Variants in OR7C1 observed in about 807,000 individuals in gnomAD.
OR7C1 encodes olfactory receptor family 7 subfamily C member 1.
For missense variants in OR7C1, 324 were observed against 383.3 expected, an observed-to-expected ratio of 0.85 and a Z score of 1.29; for synonymous variants, 152 against 160.7, an observed-to-expected ratio of 0.95 and a Z score of 0.41.
chr19:14,802,936 AC>A (rs2044648693), intron 2 of OR7C1, among the ~76,000 whole-genome samples: 1 of 152,148 alleles, frequency 6.6e-6, no homozygotes, highest in East Asian at 1.9e-4. Flanking sequence ...CCTGAGTGGG[AC>A]TTCCTGCTGG....
rs112284734 is a variant in OR7C1 at position 14,827,436 on chromosome 19, T to G, written c.-623+7638A>C. Reference sequence around the variant, plus strand: ...CATCACTGAGGCTGTTGCACTTGAGTGTGAGTTGCGGGTGGCAGCAGAACT... The same window carrying G: ...CATCACTGAGGCTGTTGCACTTGAGGGTGAGTTGCGGGTGGCAGCAGAACT... On this transcript the variant is annotated intron_variant, in intron 1 of 4. Transcript: ENST00000641666. 3 of 1,600,588 alleles carry G rather than the reference T, an allele frequency of 1.9e-6. No homozygotes were observed. The highest frequency in any genetic ancestry group is 2.7e-5 in the African/African-American group (2 of 74,376).
intron 1 of OR7C1, chr19:14,826,350 G>A (rs1405999289): frequency 1.3e-5 from 2 of 152,140 alleles, no homozygotes; most frequent in African/African-American, 2.4e-5. Flanking sequence ...GCACTTTAAT[G>A]TTTACGACAA....
chr19:14,810,862 A>ATT, intron 1 of OR7C1, among the ~76,000 whole-genome samples: 2 of 151,662 alleles, frequency 1.3e-5, no homozygotes, highest in East Asian at 1.9e-4. Context: ...CGGTTTCTTC[A>ATT]TCTGGGCTAA....
chr19:14,800,532 C>T lies in OR7C1; in HGVS notation c.-203+1G>A, dbSNP rs923934148. On this transcript the variant is annotated splice_donor_variant, in intron 3 of 4. Coordinates refer to ENST00000641666, the Ensembl canonical transcript of OR7C1. LOFTEE classifies it low-confidence loss of function (5UTR_SPLICE). ...ATAGGAGTTAAGAAAAAATCACTTA[C>T]GCAGATAGTAAGGTTATGGGAGTCC... is the stretch of plus-strand genomic sequence containing the variant. 6 of 166,050 alleles carry T rather than the reference C, an allele frequency of 3.6e-5. No homozygotes were observed. The highest frequency in any genetic ancestry group is 1.2e-4 in the Admixed American group (2 of 16,934). 10.3% of individuals were successfully genotyped at this position (166,050 alleles called of 1,614,324 possible).
At chr19:14,822,333 C>T (rs1208670782) in intron 1 of OR7C1, among the ~76,000 whole-genome samples, 1 of 146,002 alleles carries the variant, frequency 6.8e-6, no homozygotes, top group Non-Finnish European at 1.5e-5. Context: ...GGTACATGGG[C>T]TCCCTTTTCT....
rs544806074 is a variant in OR7C1 at position 14,814,114 on chromosome 19, G to A, written c.-622-4121C>T. Reference sequence around the variant, plus strand: ...GGAAAGACTGCATGACATTGGTCTGGGCAATAATTTTTGGGAAATGACCCC... The same window carrying A: ...GGAAAGACTGCATGACATTGGTCTGAGCAATAATTTTTGGGAAATGACCCC... On this transcript the variant is annotated intron_variant, in intron 1 of 4. Transcript: ENST00000641666. Among the ~76,000 whole-genome samples the A allele has an allele frequency of 3.3e-5, 5 of 151,986 alleles. No individual in the cohort carries two copies. The South Asian group carries it at 1.0e-3, about 32-fold the overall frequency.
At chr19:14,806,689 C>CCATGTCCCTGCAAAGGACATGGT (rs2044667893) in intron 2 of OR7C1, among the ~76,000 whole-genome samples, 1 of 151,930 alleles carries the variant, frequency 6.6e-6, no homozygotes, top group Non-Finnish European at 1.5e-5. Context: ...CCAGCTTCAT[C>CCATGTCCCTGCAAAGGACATGGT]CATGTCCCTG....
At chr19:14,834,699 G>T (rs1443399137) in intron 1 of OR7C1, among the ~76,000 whole-genome samples, 1 of 152,122 alleles carries the variant, frequency 6.6e-6, no homozygotes, top group African/African-American at 2.4e-5. Context: ...AAGTAAAAAG[G>T]AAATGTCTTT....
chr19:14,802,523 A>G (rs955545044), intron 2 of OR7C1, among the ~76,000 whole-genome samples: 2 of 152,250 alleles, frequency 1.3e-5, no homozygotes, highest in Non-Finnish European at 2.9e-5. Context: ...TCTGTCTCCA[A>G]ATAATAATTA....
chr19:14,799,036 C>G, exon 5 of OR7C1: 2 of 1,120,066 alleles, frequency 1.8e-6, no homozygotes, highest in Non-Finnish European at 1.2e-6. Flanking sequence ...TCCCTATCTA[C>G]CTAAATAATT....
intron 1 of OR7C1, among the ~76,000 whole-genome samples, chr19:14,811,907 G>A (rs1568249592): frequency 6.6e-6 from 1 of 151,924 alleles, no homozygotes; most frequent in Non-Finnish European, 1.5e-5. Context: ...GTGCGGCCTA[G>A]CTCCTAACAG....
intron 1 of OR7C1, among the ~76,000 whole-genome samples, chr19:14,810,447 T>C (rs2147650638): frequency 6.6e-6 from 1 of 151,804 alleles, no homozygotes; most frequent in South Asian, 2.1e-4. Flanking sequence ...TGGCGCAATC[T>C]TGGCTCACTG....
chr19:14,803,355 T>C (rs1020344248), intron 2 of OR7C1, among the ~76,000 whole-genome samples: 1 of 150,112 alleles, frequency 6.7e-6, no homozygotes, highest in Non-Finnish European at 1.5e-5. Flanking sequence ...AGGTGTGACG[T>C]TTACATAGTC....
intron 2 of OR7C1, among the ~76,000 whole-genome samples, chr19:14,801,784 A>G (rs1236533963): frequency 3.9e-5 from 6 of 152,228 alleles, no homozygotes; most frequent in Admixed American, 3.9e-4. Flanking sequence ...CCTTTTTCAC[A>G]TGGCAGCAGA....
At chr19:14,809,598 CA>C (rs1489192339) in intron 2 of OR7C1, among the ~76,000 whole-genome samples, 2 of 151,790 alleles carry the variant, frequency 1.3e-5, no homozygotes, top group African/African-American at 2.4e-5. Flanking sequence ...CAAGAAGAAA[CA>C]GAGATTGGAA....
At chr19:14,828,225 T>C in intron 1 of OR7C1, 1 of 1,611,216 alleles carries the variant, frequency 6.2e-7, no homozygotes, top group Non-Finnish European at 8.5e-7. Context: ...AATTTGTGTA[T>C]CATTTCCTGG....
At chr19:14,832,439 T>C (rs1016922723) in intron 1 of OR7C1, among the ~76,000 whole-genome samples, 5 of 150,490 alleles carry the variant, frequency 3.3e-5, no homozygotes, top group South Asian at 2.1e-4. Context: ...CTTTTCTTTT[T>C]TTTTTTTAAT....
chr19:14,832,768 TAAAA>T, intron 1 of OR7C1, among the ~76,000 whole-genome samples: 1 of 151,970 alleles, frequency 6.6e-6, no homozygotes. Context: ...TATGCATTAT[TAAAA>T]AAAGAATTAT....
chr19:14,828,446 A>G, intron 1 of OR7C1: 2 of 636,868 alleles, frequency 3.1e-6, no homozygotes, highest in East Asian at 3.0e-5. Context: ...AACTGAAGAC[A>G]GCGTACATTC....
Sources: gnomAD v4.1 joint callset for allele counts (sites outside exome capture counted in the v4.1 genomes callset) on GRCh38, gnomAD v4.1.1 for gene constraint, MANE v1.5 for transcripts, NCBI Gene and HGNC (gene_info 2026-07-23, HGNC 2026-07-21) for gene names.